The following CNOT6L variants were observed in gnomAD, a reference collection of about 807,000 sequenced individuals.
The protein encoded by CNOT6L is CCR4-NOT transcription complex subunit 6 like, also known as CCR4-NOT transcription complex subunit 6-like.
A neutral mutation model predicts 64.0 loss-of-function variants in CNOT6L; 7 were observed. The ratio of observed to expected loss-of-function variants is 0.11; its 90% CI spans 0.06 to 0.21. The LOEUF (loss-of-function observed/expected upper bound fraction) is 0.21, where lower values mean the gene tolerates loss of function less well. Among genes scored for constraint, CNOT6L ranks in the 10% least tolerant of loss-of-function variants. CNOT6L has a pLI of 1.00. For synonymous variants in CNOT6L, 193 were observed against 243.4 expected (o/e 0.79, Z 1.93); for missense variants, 245 against 669.0 (o/e 0.37, Z 6.99).
intron 4 of CNOT6L, among the ~76,000 whole-genome samples, 160 bp downstream of exon 4, chr4:77,772,921 T>TCAAACAAA (rs535647597): frequency 2.6e-5 from 4 of 152,070 alleles, no homozygotes; most frequent in African/African-American, 7.2e-5. Flanking sequence ...AGACTCCGTC[T>TCAAACAAA]CAAACAAACA....
At position 77,795,060 on chromosome 4, in the gene CNOT6L, C is replaced by T. The variant is rs1325915642; in HGVS notation, c.6-18668G>A. 2.1e-5 allele frequency among the ~76,000 whole-genome samples: 3 copies of T among 140,990 alleles called. No individual in the cohort carries two copies. In the East Asian group the frequency reaches 6.2e-4, roughly 29 times the overall value. The allele number at this position is 140,990 out of a possible 152,430, so 92.5% of individuals were successfully genotyped here. On this transcript the variant is annotated intron_variant, in intron 1 of 11. Transcript: ENST00000504123. The stretch of plus-strand genomic sequence containing the variant: ...TTTTGAGACACTTTCCCTCTTGTTG[C>T]CTAGGCTGGAGTGCAATGGCACCAT...
At position 77,770,885 on chromosome 4, in the gene CNOT6L, T is replaced by C. The variant is rs555638246; in HGVS notation, c.400+2196A>G. On this transcript the variant is annotated intron_variant, in intron 4 of 11. Coordinates refer to ENST00000504123, the MANE Select transcript of CNOT6L (RefSeq NM_144571.3). ...AGGAGATAATATTCAAAATTACTCA[T>C]TCAGTTGATACTTAGTACAAATTTT... 6.7e-4 allele frequency among the ~76,000 whole-genome samples: 102 copies of C among 152,224 alleles called. 1 individual carries two copies. Among genetic ancestry groups the C allele is most frequent in the Non-Finnish European group, 1.2e-3 (81 of 68,040 alleles).
intron 1 of CNOT6L, among the ~76,000 whole-genome samples, chr4:77,783,591 A>AT (rs1246554498): frequency 6.6e-6 from 1 of 152,164 alleles, no homozygotes; most frequent in East Asian, 1.9e-4. Flanking sequence ...TGAATAACCG[A>AT]TAACCTCTGG....
At chr4:77,776,503 A>C in intron 1 of CNOT6L, 111 bp from the exon 2 acceptor site, 2 of 689,368 alleles carry the variant, frequency 2.9e-6, no homozygotes, top group Admixed American at 6.4e-5. Flanking sequence ...CTAGTAAGTC[A>C]TTTTATACTA....
intron 4 of CNOT6L, among the ~76,000 whole-genome samples, chr4:77,766,231 A>G (rs1245670191): frequency 6.6e-6 from 1 of 152,200 alleles, no homozygotes; most frequent in African/African-American, 2.4e-5. Context: ...TATATATTTT[A>G]CCATACATTT....
At chr4:77,778,289 A>G (rs1213279242) in intron 1 of CNOT6L, among the ~76,000 whole-genome samples, 1 of 152,278 alleles carries the variant, frequency 6.6e-6, no homozygotes, top group East Asian at 1.9e-4. Flanking sequence ...AAGATTAAGC[A>G]AAGCCAAATC....
chr4:77,794,449 A>G (rs907983870), intron 1 of CNOT6L, among the ~76,000 whole-genome samples: 1 of 152,140 alleles, frequency 6.6e-6, no homozygotes, highest in African/African-American at 2.4e-5. Flanking sequence ...AGTGGTGACT[A>G]CCCCAGTAAT....
intron 5 of CNOT6L, among the ~76,000 whole-genome samples, chr4:77,750,283 T>C (rs969969218): frequency 6.6e-6 from 1 of 152,172 alleles, no homozygotes; most frequent in African/African-American, 2.4e-5. Context: ...TTAAAAGAAA[T>C]TTTAATCATA....
intron 11 of CNOT6L, among the ~76,000 whole-genome samples, chr4:77,721,266 G>C (rs1282178880): frequency 6.6e-6 from 1 of 152,110 alleles, no homozygotes. Flanking sequence ...GCTACATAAA[G>C]ACAACTCAGC....
At position 77,720,508 on chromosome 4, in the gene CNOT6L, A is replaced by G. The variant is rs1476222948; in HGVS notation, c.1591T>C (p.Ser531Pro). The G allele has an allele frequency of 6.2e-7, 1 of 1,613,400 alleles. No individual in the cohort carries two copies. The highest frequency in any genetic ancestry group is 1.3e-5 in the African/African-American group (1 of 74,892). Reference sequence around the variant, plus strand: ...TGGAGTTCAAGTTGTGTTAACAGTGAGAAGTGGTCTGAAGGGATGTGAGGG... The same window carrying G: ...TGGAGTTCAAGTTGTGTTAACAGTGGGAAGTGGTCTGAAGGGATGTGAGGG... ...PHPHIPSDHFSLLTQLELHPP... is the reference protein window; with the variant it reads ...PHPHIPSDHFPLLTQLELHPP... Residue 531 changes from serine (S) to proline (P), a missense_variant, in exon 12 of 12, where the codon TCA becomes CCA. Physicochemically the swap from Ser to Pro is moderately conservative, Grantham distance 74 (BLOSUM62 -1). Around this residue, in one of 10 missense-constraint regions of CNOT6L, gnomAD observed 0 missense variants for 19.6 expected, o/e 0.00. Coordinates refer to ENST00000504123, the MANE Select transcript of CNOT6L (RefSeq NM_144571.3).
chr4:77,729,877 CAG>C (rs1722251952), intron 9 of CNOT6L, among the ~76,000 whole-genome samples: 1 of 151,888 alleles, frequency 6.6e-6, no homozygotes, highest in African/African-American at 2.4e-5. Flanking sequence ...CATTTACTGA[CAG>C]ATGTCCATAA....
chr4:77,770,253 GA>G (rs1286623361), intron 4 of CNOT6L, among the ~76,000 whole-genome samples: 2 of 151,974 alleles, frequency 1.3e-5, no homozygotes, highest in African/African-American at 4.8e-5. Context: ...AGGATATAGA[GA>G]AAAAAAATCT....
intron 4 of CNOT6L, among the ~76,000 whole-genome samples, chr4:77,757,998 C>T (rs905349916): frequency 3.3e-5 from 5 of 152,164 alleles, no homozygotes; most frequent in Admixed American, 3.3e-4. Context: ...CTCTGCTTGG[C>T]CTAAACAAAT....
intron 1 of CNOT6L, among the ~76,000 whole-genome samples, chr4:77,805,601 A>G (rs1732125007): frequency 6.6e-6 from 1 of 152,228 alleles, no homozygotes; most frequent in African/African-American, 2.4e-5. Context: ...TACCAGTATT[A>G]CAAAATTATG....
chr4:77,803,515 G>A (rs749013625), intron 1 of CNOT6L, among the ~76,000 whole-genome samples: 4 of 152,176 alleles, frequency 2.6e-5, no homozygotes, highest in Admixed American at 1.3e-4. Context: ...CTGCATTAGT[G>A]TTGATAATCA....
Position 77,734,580 on chromosome 4 carries a change from T to C in CNOT6L, c.873-3042A>G, listed in dbSNP as rs1410798569. Among the ~76,000 whole-genome samples the C allele has an allele frequency of 2.0e-5, 3 of 152,184 alleles. No individual in the cohort carries two copies. In the East Asian group the frequency reaches 5.8e-4, roughly 29 times the overall value. ...ATTTTTCTGTGGTCTCAGCTGATTC[T>C]TGTCCCTCCCTCTTTTTATTCCTTC... On this transcript the variant is annotated intron_variant, in intron 8 of 11. Transcript: ENST00000504123.
intron 5 of CNOT6L, among the ~76,000 whole-genome samples, chr4:77,750,032 T>C (rs1724683006): frequency 6.6e-6 from 1 of 152,166 alleles, no homozygotes; most frequent in African/African-American, 2.4e-5. Flanking sequence ...AAGATAAATA[T>C]GTATTCAAGT....
rs77193950 is a variant in CNOT6L, at chr4:77,725,481, G to A, written c.1455+686C>T. Among the ~76,000 whole-genome samples the A allele has an allele frequency of 2.1e-3, 315 of 152,306 alleles. 1 individual carries two copies. Among genetic ancestry groups the A allele is most frequent in the Non-Finnish European group, 3.3e-3 (224 of 68,024 alleles). On this transcript the variant is annotated intron_variant, in intron 11 of 11. Coordinates refer to ENST00000504123, the MANE Select transcript of CNOT6L (RefSeq NM_144571.3). The stretch of plus-strand genomic sequence containing the variant: ...TGATCAGAAAACTAGCACTGGGAAA[G>A]AGATTACATAAAGCCACCACAATCT...
At chr4:77,802,424 C>A (rs1163449069) in intron 1 of CNOT6L, among the ~76,000 whole-genome samples, 3 of 152,142 alleles carry the variant, frequency 2.0e-5, no homozygotes, top group African/African-American at 7.2e-5. Context: ...TATCATGCTA[C>A]TAAAAAATGT....
Sources: gnomAD v4.1 joint callset for allele counts (sites outside exome capture counted in the v4.1 genomes callset) on GRCh38, gnomAD v4.1.1 for gene constraint, gnomAD v4.1.1 regional missense constraint, MANE v1.5 for transcripts, NCBI Gene and HGNC (gene_info 2026-07-23, HGNC 2026-07-21) for gene names.